The following OTOP1 variants were observed in gnomAD, a reference collection of about 807,000 sequenced individuals.
OTOP1 encodes otopetrin 1, also known as proton channel OTOP1.
A neutral mutation model predicts 52.9 loss-of-function variants in OTOP1; 59 were observed. The observed-to-expected ratio is 1.12, with a 90% CI of 0.91 to 1.39. The LOEUF is 1.39. Ranked by LOEUF, OTOP1 falls within the 40% of genes most tolerant of loss-of-function variation. OTOP1 has a pLI of 0.00. For synonymous variants in OTOP1, 317 were observed against 337.7 expected (o/e 0.94, Z 0.67); for missense variants, 761 against 800.9 (o/e 0.95, Z 0.60).
chr4:4,201,459 A>AAT (rs112973192), intron 4 of OTOP1, among the ~76,000 whole-genome samples: 89 of 136,544 alleles, frequency 6.5e-4, no homozygotes, highest in African/African-American at 1.8e-3. Flanking sequence ...TAAATAAATA[A>AAT]ATATATATAT....
rs1449450599 is a variant in OTOP1 at position 4,226,885 on chromosome 4, G to C, written c.-21C>G. On this transcript the variant is annotated 5_prime_UTR_variant, in exon 1 of 6. Coordinates refer to ENST00000296358, the MANE Select transcript of OTOP1 (RefSeq NM_177998.3). ...AGCATCTTCGAGACACCCGCGCCAA[G>C]TCTGGTCCCGGGGGTGGCTGCCGTC... 41 of 1,310,632 alleles carry C rather than the reference G, an allele frequency of 3.1e-5. No homozygotes were observed. Among genetic ancestry groups the C allele is most frequent in the African/African-American group, 4.6e-5 (3 of 64,704 alleles). The allele number at this position is 1,310,632 out of a possible 1,614,324, so 81.2% of individuals were successfully genotyped here.
chr4:4,200,889 C>A (rs894993891), intron 4 of OTOP1, among the ~76,000 whole-genome samples: 1 of 152,114 alleles, frequency 6.6e-6, no homozygotes, highest in Admixed American at 6.5e-5. Flanking sequence ...GCTTCCCTAG[C>A]ACTTACAATT....
At chr4:4,199,233 T>TGTGAGAGAGAGAGAGA (rs1212354837) in intron 4 of OTOP1, among the ~76,000 whole-genome samples, 5 of 98,566 alleles carry the variant, frequency 5.1e-5, no homozygotes, top group African/African-American at 2.2e-4. Flanking sequence ...TGTGTGTGTG[T>TGTGAGAGAGAGAGAGA]GAGAGAGAGA....
At chr4:4,209,194 C>T (rs1206992044) in intron 2 of OTOP1, among the ~76,000 whole-genome samples, 1 of 152,208 alleles carries the variant, frequency 6.6e-6, no homozygotes, top group Non-Finnish European at 1.5e-5. Context: ...CTCCTTGGTG[C>T]TTTCCCAGGC....
At chr4:4,208,160 G>C (rs1188413487) in intron 2 of OTOP1, among the ~76,000 whole-genome samples, 1 of 152,202 alleles carries the variant, frequency 6.6e-6, no homozygotes, top group African/African-American at 2.4e-5. Context: ...GTGAGGATCA[G>C]CTATCCATTT....
intron 4 of OTOP1, among the ~76,000 whole-genome samples, chr4:4,198,739 C>A (rs537831089): frequency 6.6e-6 from 1 of 152,062 alleles, no homozygotes; most frequent in African/African-American, 2.4e-5. Flanking sequence ...AAGCTGGCTG[C>A]GGTATGGAGG....
chr4:4,211,066 T>C (rs1814372), intron 2 of OTOP1, among the ~76,000 whole-genome samples: 90,279 of 151,848 alleles, frequency 0.59, 27,684 homozygotes, highest in African/African-American at 0.73. Flanking sequence ...AGTGATCCCA[T>C]CAAGCCACCA....
At chr4:4,190,929 T>C (rs753447065) in intron 5 of OTOP1, among the ~76,000 whole-genome samples, 20 of 152,074 alleles carry the variant, frequency 1.3e-4, no homozygotes, top group Non-Finnish European at 2.2e-4. Flanking sequence ...CCTGGGGCTC[T>C]CTCCCAGTCC....
intron 2 of OTOP1, among the ~76,000 whole-genome samples, chr4:4,210,526 T>C (rs1396126046): frequency 1.3e-5 from 2 of 152,152 alleles, no homozygotes; most frequent in Admixed American, 6.6e-5. Flanking sequence ...TGTCCTTCTC[T>C]CCTCTTCTTA....
intron 4 of OTOP1, among the ~76,000 whole-genome samples, 165 bp downstream of exon 4, chr4:4,202,283 G>T (rs1163207799): frequency 1.3e-5 from 2 of 152,098 alleles, no homozygotes; most frequent in Admixed American, 1.3e-4. Flanking sequence ...GAGAGATTCA[G>T]GTTTTGGAAG....
chr4:4,210,004 C>T (rs974187671), intron 2 of OTOP1, among the ~76,000 whole-genome samples: 10 of 152,126 alleles, frequency 6.6e-5, no homozygotes, highest in Non-Finnish European at 1.3e-4. Context: ...CCCAAGCTGC[C>T]GAAATGCCCT....
At chr4:4,220,105 A>ATATTT (rs1434375771) in intron 1 of OTOP1, among the ~76,000 whole-genome samples, 2 of 59,398 alleles carry the variant, frequency 3.4e-5, no homozygotes, top group African/African-American at 1.0e-4. Flanking sequence ...ATATATATAT[A>ATATTT]TTTTTTTTTT....
chr4:4,199,484 G>C (rs1380608150), intron 4 of OTOP1, among the ~76,000 whole-genome samples: 2 of 151,926 alleles, frequency 1.3e-5, no homozygotes, highest in Non-Finnish European at 2.9e-5. Context: ...CAAAATCTTG[G>C]CTCACTGCAA....
At chr4:4,191,726 T>G (rs1258493157) in intron 5 of OTOP1, among the ~76,000 whole-genome samples, 4 of 152,348 alleles carry the variant, frequency 2.6e-5, no homozygotes, top group Admixed American at 1.3e-4. Context: ...ACTTCTCTGC[T>G]TAACACAGGT....
At chr4:4,199,207 A>G (rs1716719820) in intron 4 of OTOP1, among the ~76,000 whole-genome samples, 1 of 116,892 alleles carries the variant, frequency 8.6e-6, no homozygotes, top group African/African-American at 3.4e-5. Context: ...ATTTAAAAAA[A>G]ACTCAGGTAA....
intron 1 of OTOP1, among the ~76,000 whole-genome samples, chr4:4,223,895 C>T (rs1471257894): frequency 3.8e-5 from 2 of 52,544 alleles, no homozygotes; most frequent in East Asian, 9.0e-4. Flanking sequence ...ATCTCAAAAA[C>T]AAAAACAAAA....
chr4:4,203,233 C>G (rs1223437613), intron 3 of OTOP1, among the ~76,000 whole-genome samples: 1 of 152,220 alleles, frequency 6.6e-6, no homozygotes, highest in Non-Finnish European at 1.5e-5. Context: ...TTTATCTAGC[C>G]TTGAATGTGG....
chr4:4,202,962 G>C (rs1415662229), intron 3 of OTOP1, among the ~76,000 whole-genome samples: 13 of 152,206 alleles, frequency 8.5e-5, no homozygotes. Flanking sequence ...ATGAGGGAAA[G>C]ATGAAAGAGT....
At chr4:4,223,971 G>A (rs1717362537) in intron 1 of OTOP1, among the ~76,000 whole-genome samples, 1 of 151,014 alleles carries the variant, frequency 6.6e-6, no homozygotes, top group Non-Finnish European at 1.5e-5. Context: ...AGAGGGAAGA[G>A]GGACAGTGGA....
Sources: allele counts gnomAD v4.1 joint callset (sites outside exome capture counted in the v4.1 genomes callset), GRCh38; gene constraint gnomAD v4.1.1; transcripts MANE v1.5; gene names NCBI Gene and HGNC (gene_info 2026-07-23, HGNC 2026-07-21).